NALCN: variants seen among roughly 807,000 people sequenced by gnomAD.
NALCN encodes the protein sodium leak channel NALCN.
A neutral mutation model predicts 225.3 loss-of-function variants in NALCN; 111 were observed. The ratio of observed to expected loss-of-function variants is 0.49; its 90% CI spans 0.42 to 0.58. The LOEUF is 0.58. Ranked by LOEUF, NALCN falls within the 20% of genes least tolerant of loss-of-function variation. The probability of loss-of-function intolerance (pLI) is 0.00; values close to 1 mark genes in which losing one functional copy is unlikely to be tolerated. For synonymous variants in NALCN, 764 were observed against 769.0 expected, an observed-to-expected ratio of 0.99 and a Z score of 0.11; for missense variants, 1,378 against 2,202.4, an observed-to-expected ratio of 0.63 and a Z score of 7.49.
chr13:101,150,615 A>G (rs1184228977), intron 15 of NALCN, among the ~76,000 whole-genome samples: 1 of 152,208 alleles, frequency 6.6e-6, no homozygotes, highest in African/African-American at 2.4e-5. Flanking sequence ...TGAAGCCACT[A>G]TTAAGTTTCT....
intron 39 of NALCN, among the ~76,000 whole-genome samples, chr13:101,067,090 C>A (rs1271379121): frequency 1.3e-5 from 2 of 151,768 alleles, no homozygotes; most frequent in Non-Finnish European, 2.9e-5. Context: ...CCATCTTGTT[C>A]ACTGCTATAT....
chr13:101,068,870 G>T (rs112991294), intron 37 of NALCN, 43 bp from the exon 38 acceptor site: 1 of 1,524,000 alleles, frequency 6.6e-7, no homozygotes, highest in South Asian at 1.4e-5. Flanking sequence ...TAAGAGTAGA[G>T]AATACAAATT....
At chr13:101,169,566 C>T (rs949512501) in intron 15 of NALCN, among the ~76,000 whole-genome samples, 9 of 152,192 alleles carry the variant, frequency 5.9e-5, no homozygotes, top group Non-Finnish European at 1.2e-4. Flanking sequence ...TGAATACCCA[C>T]AGGGAGAAAA....
intron 9 of NALCN, among the ~76,000 whole-genome samples, chr13:101,290,812 T>C (rs935692896): frequency 1.3e-5 from 2 of 152,236 alleles, no homozygotes; most frequent in African/African-American, 4.8e-5. Context: ...ACAGTATTTG[T>C]AAGTGTTTAC....
At chr13:101,400,570 TGTGTGTGTGTGCAC>T (rs1334589174) in intron 1 of NALCN, among the ~76,000 whole-genome samples, 4 of 130,006 alleles carry the variant, frequency 3.1e-5, no homozygotes, top group African/African-American at 3.3e-5. Flanking sequence ...TGTGTGTGTG[TGTGTGTGTGTGCAC>T]GTGTGTGCGC....
At chr13:101,344,152 G>A (rs1366943993) in intron 7 of NALCN, among the ~76,000 whole-genome samples, 1 of 152,194 alleles carries the variant, frequency 6.6e-6, no homozygotes, top group Non-Finnish European at 1.5e-5. Context: ...ATGCCTAAAA[G>A]TTATTGGTAT....
At chr13:101,081,718 T>C in intron 33 of NALCN, 72 bp from the exon 34 acceptor site, 3 of 1,539,942 alleles carry the variant, frequency 1.9e-6, no homozygotes, top group Admixed American at 4.0e-5. Flanking sequence ...TAACTTGAGA[T>C]GCATTATGTG....
At chr13:101,270,727 C>T (rs768928837) in intron 10 of NALCN, among the ~76,000 whole-genome samples, 1 of 152,174 alleles carries the variant, frequency 6.6e-6, no homozygotes, top group Non-Finnish European at 1.5e-5. Flanking sequence ...GTGCATAAGG[C>T]ATCATATTGC....
intron 10 of NALCN, among the ~76,000 whole-genome samples, chr13:101,268,414 T>C (rs2042666583): frequency 1.3e-5 from 2 of 152,200 alleles, no homozygotes; most frequent in Non-Finnish European, 2.9e-5. Context: ...ATGGCATCTC[T>C]GAGTCTGCTG....
chr13:101,393,254 C>CA (rs1178734283), intron 3 of NALCN, among the ~76,000 whole-genome samples: 1 of 152,178 alleles, frequency 6.6e-6, no homozygotes, highest in East Asian at 1.9e-4. Context: ...ATTAAAACTA[C>CA]AGTGGATTAC....
At position 101,158,799 on chromosome 13, in the gene NALCN, C is replaced by T. The variant is rs191442851; in HGVS notation, c.1840-13903G>A. 3.6e-3 allele frequency among the ~76,000 whole-genome samples: 541 copies of T among 152,264 alleles called. 9 individuals carry two copies. Among genetic ancestry groups the T allele is most frequent in the Non-Finnish European group, 9.6e-4 (65 of 68,024 alleles). Reference sequence around the variant, plus strand: ...GTGATTCTCTGGAAGTCCTCTCTTGCGCTTTGGCAAAGGAGGAATAATCTC... The same window carrying T: ...GTGATTCTCTGGAAGTCCTCTCTTGTGCTTTGGCAAAGGAGGAATAATCTC... On this transcript the variant is annotated intron_variant, in intron 15 of 43. Coordinates refer to ENST00000251127, the MANE Select transcript of NALCN (RefSeq NM_052867.4).
chr13:101,072,561 C>T (rs2032969816), intron 37 of NALCN, among the ~76,000 whole-genome samples: 1 of 152,122 alleles, frequency 6.6e-6, no homozygotes, highest in South Asian at 2.1e-4. Context: ...ATTTAAGATT[C>T]ATTAAATTTT....
chr13:101,403,229 A>C (rs993776375), intron 1 of NALCN, among the ~76,000 whole-genome samples: 2 of 152,212 alleles, frequency 1.3e-5, no homozygotes, highest in African/African-American at 4.8e-5. Context: ...CTGGGTATAC[A>C]GCACTGAATA....
chr13:101,078,721 T>C (rs972793724), intron 34 of NALCN, among the ~76,000 whole-genome samples: 2 of 152,202 alleles, frequency 1.3e-5, no homozygotes, highest in African/African-American at 4.8e-5. Context: ...TTTAAGTTAA[T>C]GCTGGAATGA....
intron 7 of NALCN, among the ~76,000 whole-genome samples, chr13:101,320,118 G>A (rs966831414): frequency 6.6e-6 from 1 of 152,110 alleles, no homozygotes; most frequent in Non-Finnish European, 1.5e-5. Flanking sequence ...AGCACAGAAT[G>A]AACATCATGA....
At chr13:101,172,248 G>C (rs1262107046) in intron 15 of NALCN, among the ~76,000 whole-genome samples, 1 of 152,016 alleles carries the variant, frequency 6.6e-6, no homozygotes, top group Non-Finnish European at 1.5e-5. Flanking sequence ...TGCCCTCAGG[G>C]AGCTTCTGAG....
intron 34 of NALCN, among the ~76,000 whole-genome samples, chr13:101,078,999 C>G (rs181451299): frequency 4.6e-5 from 7 of 152,326 alleles, no homozygotes; most frequent in Admixed American, 4.6e-4. Flanking sequence ...GGACTTCCCC[C>G]TTTGCTGGGC....
chr13:101,346,543 A>G (rs76242158), intron 6 of NALCN, among the ~76,000 whole-genome samples: 3,077 of 152,276 alleles, frequency 0.02, 113 homozygotes, highest in African/African-American at 0.07. Context: ...AATAAGGAGA[A>G]ATGGAAGGAA....
At chr13:101,270,982 A>G (rs2042757864) in intron 10 of NALCN, among the ~76,000 whole-genome samples, 1 of 152,244 alleles carries the variant, frequency 6.6e-6, no homozygotes, top group Non-Finnish European at 1.5e-5. Context: ...GGCATAAGTT[A>G]GCACATGTCT....
Sources: allele counts gnomAD v4.1 joint callset (sites outside exome capture counted in the v4.1 genomes callset), GRCh38; gene constraint gnomAD v4.1.1; transcripts MANE v1.5; gene names NCBI Gene and HGNC (gene_info 2026-07-23, HGNC 2026-07-21).